CFAP46: variants seen among roughly 807,000 people sequenced by gnomAD.
CFAP46 encodes cilia- and flagella-associated protein 46.
A neutral mutation model predicts 325.7 loss-of-function variants in CFAP46; 245 were observed. That is an observed-to-expected ratio of 0.75 (90% confidence interval 0.68 to 0.84). The LOEUF is 0.84. CFAP46 is among the 40% of genes least tolerant of loss of function. CFAP46 has a pLI of 0.00. For missense variants in CFAP46, 3,346 were observed against 3,543.0 expected (o/e 0.94, Z 1.41); for synonymous variants, 1,523 against 1,495.9 (o/e 1.02, Z -0.42).
intron 27 of CFAP46, among the ~76,000 whole-genome samples, chr10:132,881,966 GGGTGTGTGT>G (rs1216675793): frequency 1.3e-5 from 2 of 152,000 alleles, no homozygotes; most frequent in Non-Finnish European, 2.9e-5. Context: ...GTGGGATGTG[GGGTGTGTGT>G]GGTCTGTGTG....
chr10:132,922,280 C>T, intron 12 of CFAP46, 56 bp from the exon 13 acceptor site: 1 of 1,520,120 alleles, frequency 6.6e-7, no homozygotes, highest in South Asian at 1.2e-5. Flanking sequence ...ACAGCACCTT[C>T]TCCAACTTCT....
intron 24 of CFAP46, among the ~76,000 whole-genome samples, chr10:132,898,160 T>G (rs1849342913): frequency 1.3e-5 from 2 of 152,222 alleles, no homozygotes; most frequent in Admixed American, 1.3e-4. Context: ...GTCTGGAGAC[T>G]GACCCCAACC....
In CFAP46 at chr10:132,834,034, C is replaced by A. The variant is rs1489616283; in HGVS notation, c.6949+7G>T. The A allele has an allele frequency of 6.2e-7, 1 of 1,613,586 alleles. No individual in the cohort carries two copies. The highest frequency in any genetic ancestry group is 1.3e-5 in the African/African-American group (1 of 74,932). ...CCAGGCTGAGTGGCCACGCCCGCCC[C>A]ACTCACTGTGTTGTCCTGTGGACGT... On this transcript the variant is annotated splice_region_variant and intron_variant, in intron 49 of 57. Coordinates refer to ENST00000368586, the MANE Select transcript of CFAP46 (RefSeq NM_001200049.3).
intron 55 of CFAP46, among the ~76,000 whole-genome samples, chr10:132,812,449 C>CCCAG (rs1847600336): frequency 6.6e-6 from 1 of 152,174 alleles, no homozygotes; most frequent in Non-Finnish European, 1.5e-5. Flanking sequence ...CTGAGCCCAC[C>CCCAG]CCAGCCTTCC....
Position 132,876,670 on chromosome 10 carries a change from G to C in CFAP46, c.4362+142C>G, listed in dbSNP as rs114891226. 4,045 of 827,440 alleles carry C rather than the reference G, an allele frequency of 4.9e-3. 129 individuals are homozygous for C. The African/African-American group carries it at 0.062, about 13-fold the overall frequency. 51.3% of individuals were successfully genotyped at this position (827,440 alleles called of 1,614,324 possible). A position where few individuals can be genotyped will look rare whatever the true frequency, so the allele number is the denominator to read the frequency against. The stretch of plus-strand genomic sequence containing the variant: ...GCAGACAGTGGTGCTGGGAGGGCCT[G>C]TGGGAGGCTGGGGGCTGATGGGACT... On this transcript the variant is annotated intron_variant, in intron 31 of 57. Coordinates refer to ENST00000368586, the MANE Select transcript of CFAP46 (RefSeq NM_001200049.3). This position sits in a 1 kb window ranked among gnomAD's most constrained non-coding sequence, Gnocchi z 4.1.
At position 132,834,764 on chromosome 10, in the gene CFAP46, G is replaced by A. The variant is rs150362711; in HGVS notation, c.6756C>T (p.Gly2252=). 1 of 1,611,948 alleles carries A rather than the reference G, an allele frequency of 6.2e-7. No individual in the cohort carries two copies. Among genetic ancestry groups the A allele is most frequent in the East Asian group, 2.2e-5 (1 of 44,810 alleles). ...MALNIGSEPE[G]LQVEEKERPV... ...GGCGCTCCTTCTCTTCCACCTGCAGGCCTTCTGGTTCCTACCGCAATCCAA... is the reference window on the plus strand; with the variant it reads ...GGCGCTCCTTCTCTTCCACCTGCAGACCTTCTGGTTCCTACCGCAATCCAA... Residue 2252 remains glycine (G), a synonymous_variant, in exon 48 of 58, where the codon GGC becomes GGT. Coordinates refer to ENST00000368586, the MANE Select transcript of CFAP46 (RefSeq NM_001200049.3).
At chr10:132,890,157 T>C (rs1380101798) in intron 25 of CFAP46, among the ~76,000 whole-genome samples, 1 of 152,104 alleles carries the variant, frequency 6.6e-6, no homozygotes, top group Non-Finnish European at 1.5e-5. Flanking sequence ...AAAACCCCCC[T>C]CCACAGCCTC....
At chr10:132,926,542 T>C in intron 10 of CFAP46, 26 bp downstream of exon 10, 2 of 1,474,048 alleles carry the variant, frequency 1.4e-6, no homozygotes, top group Non-Finnish European at 1.8e-6. Context: ...TAATGCCAGG[T>C]GTATGACTCC....
rs770814954 is a variant in CFAP46 at position 132,808,669 on chromosome 10, G to A, written c.7900C>T (p.Leu2634Phe). The change falls in exon 58 of 58, where the codon CTC (leucine) becomes TTC (phenylalanine). Residue 2634 changes from leucine (L) to phenylalanine (F), a missense_variant. Transcript: ENST00000368586. This position sits in a 1 kb window ranked among gnomAD's most constrained non-coding sequence, Gnocchi z 6.8. ...GCTGGGGAGAGGCCCAGGAAGGGGA[G>A]AGCGAGCTGGGAGCTGGGGATGGGA... Reference protein sequence around the residue: ...PAPIPSSQLALPFLGLSPALG... With the variant: ...PAPIPSSQLAFPFLGLSPALG... 8.8e-6 allele frequency: 14 copies of A among 1,583,960 alleles called. No individual in the cohort carries two copies. In the South Asian group the frequency reaches 1.5e-4, roughly 17 times the overall value.
intron 48 of CFAP46, 74 bp downstream of exon 48, chr10:132,834,580 T>C: frequency 6.4e-7 from 1 of 1,559,678 alleles, no homozygotes; most frequent in South Asian, 1.2e-5. Flanking sequence ...GCACACGTGG[T>C]TGGCCACAGC....
At position 132,883,582 on chromosome 10, in the gene CFAP46, G is replaced by C. The variant is rs191253985; in HGVS notation, c.3627+1521C>G. On this transcript the variant is annotated intron_variant, in intron 27 of 57. Transcript: ENST00000368586. The stretch of plus-strand genomic sequence containing the variant: ...GCACTTCATCTGATGGCCCCACACA[G>C]GGCGACCGTGTGCCCAGCAACTCCA... Among the ~76,000 whole-genome samples, 172 of 152,366 alleles carry C rather than the reference G, an allele frequency of 1.1e-3. 2 individuals are homozygous for C. The highest frequency in any genetic ancestry group is 3.9e-3 in the African/African-American group (164 of 41,586).
intron 19 of CFAP46, among the ~76,000 whole-genome samples, chr10:132,912,219 C>CT: frequency 1.8e-5 from 2 of 112,328 alleles, no homozygotes; most frequent in Non-Finnish European, 4.0e-5. Flanking sequence ...CCTCTCCTCT[C>CT]TCTTCTCCTC....
At chr10:132,837,152 G>C (rs1207880471) in intron 44 of CFAP46, 5 of 505,312 alleles carry the variant, frequency 9.9e-6, no homozygotes, top group Non-Finnish European at 1.8e-5. Context: ...ATTTCTCTCC[G>C]GTTGTTAATG....
chr10:132,821,397 G>GTGTGTGC (rs1336418958), intron 50 of CFAP46, among the ~76,000 whole-genome samples: 1 of 136,656 alleles, frequency 7.3e-6, no homozygotes, highest in Non-Finnish European at 1.6e-5. Context: ...TGTGTGCTGT[G>GTGTGTGC]TGTGTGCTGT....
chr10:132,862,411 G>A (rs1428164589), intron 35 of CFAP46, among the ~76,000 whole-genome samples: 3 of 125,850 alleles, frequency 2.4e-5, no homozygotes, highest in Non-Finnish European at 4.9e-5. Context: ...GGTGAGGAGC[G>A]CCCAGAAGGC....
intron 35 of CFAP46, among the ~76,000 whole-genome samples, chr10:132,861,346 G>A (rs201944243): frequency 3.5e-4 from 54 of 152,334 alleles, no homozygotes; most frequent in Non-Finnish European, 5.6e-4. Flanking sequence ...TGGAATCGGC[G>A]TTCAGGGAGG....
Position 132,859,054 on chromosome 10 carries a change from C to T in CFAP46, c.5375+17G>A, listed in dbSNP as rs1564781504. The T allele has an allele frequency of 2.6e-6, 4 of 1,546,064 alleles. No homozygotes were observed. The highest frequency in any genetic ancestry group is 1.7e-4 in the Middle Eastern group (1 of 6,000). On this transcript the variant is annotated intron_variant, in intron 38 of 57. Coordinates refer to ENST00000368586, the MANE Select transcript of CFAP46 (RefSeq NM_001200049.3). ...GAAGCAGTGACTCCCGTGCAGGGGT[C>T]GTGGAGGCAGCCTTACCTCTTGATC...
intron 5 of CFAP46, 35 bp downstream of exon 5, chr10:132,938,554 G>T (rs376766135): frequency 6.2e-7 from 1 of 1,600,674 alleles, no homozygotes. Context: ...GCGGCCCACC[G>T]GGAGGCCACA....
At chr10:132,851,327 C>T (rs1299974949) in intron 39 of CFAP46, 22 bp from the exon 40 acceptor site, 1 of 1,605,506 alleles carries the variant, frequency 6.2e-7, no homozygotes, top group Non-Finnish European at 8.5e-7. Flanking sequence ...AGGCATGCCT[C>T]TGAAGCATGG....
Sources: gnomAD v4.1 joint callset for allele counts (sites outside exome capture counted in the v4.1 genomes callset) on GRCh38, gnomAD v4.1.1 for gene constraint, Gnocchi (gnomAD v3.1) non-coding constraint, MANE v1.5 for transcripts, NCBI Gene and HGNC (gene_info 2026-07-23, HGNC 2026-07-21) for gene names.